ATRNL1: variants seen among roughly 807,000 people sequenced by gnomAD.
ATRNL1 encodes attractin-like protein 1.
In ATRNL1, 95 loss-of-function variants were observed where a neutral mutation model predicts 182.7. That is an observed-to-expected ratio of 0.52 (90% CI 0.44 to 0.62). ATRNL1 has a LOEUF of 0.62. Among genes scored for constraint, ATRNL1 ranks in the 20% least tolerant of loss-of-function variants. The pLI is 0.00. For missense variants in ATRNL1, 1,471 were observed against 1,679.5 expected, an observed-to-expected ratio of 0.88 and a Z score of 2.17; for synonymous variants, 576 against 568.3, an observed-to-expected ratio of 1.01 and a Z score of -0.19.
intron 5 of ATRNL1, among the ~76,000 whole-genome samples, chr10:115,151,768 T>A (rs1301440066): frequency 3.3e-5 from 5 of 152,212 alleles, no homozygotes; most frequent in Non-Finnish European, 7.3e-5. Context: ...TTTTGGTGTT[T>A]TAGACATGAA....
intron 19 of ATRNL1, among the ~76,000 whole-genome samples, chr10:115,340,914 CT>C (rs1225096869): frequency 6.6e-6 from 1 of 151,670 alleles, no homozygotes; most frequent in Non-Finnish European, 1.5e-5. Flanking sequence ...TGTGTCTTCT[CT>C]GTTTTTTCTT....
At chr10:115,793,159 G>A (rs984608016) in intron 27 of ATRNL1, among the ~76,000 whole-genome samples, 2 of 152,122 alleles carry the variant, frequency 1.3e-5, no homozygotes, top group East Asian at 3.9e-4. Context: ...CTTGTTGCAA[G>A]ACTTCAATGA....
chr10:115,608,944 G>T (rs1857008824), intron 26 of ATRNL1, among the ~76,000 whole-genome samples: 1 of 151,686 alleles, frequency 6.6e-6, no homozygotes, highest in South Asian at 2.1e-4. Context: ...AGTTACTGGG[G>T]ATTATTTTTA....
At chr10:115,537,724 G>A (rs1286137680) in intron 25 of ATRNL1, among the ~76,000 whole-genome samples, 4 of 89,258 alleles carry the variant, frequency 4.5e-5, no homozygotes, top group African/African-American at 9.3e-5. Context: ...ACTTCTGTTG[G>A]AAGCATTTTA....
chr10:115,325,470 T>C (rs1470285966), intron 18 of ATRNL1, among the ~76,000 whole-genome samples: 7 of 152,186 alleles, frequency 4.6e-5, no homozygotes, highest in Admixed American at 4.6e-4. Flanking sequence ...TCCTTTGCCA[T>C]TGCTACCATA....
At chr10:115,785,072 C>T (rs1949362461) in intron 27 of ATRNL1, among the ~76,000 whole-genome samples, 1 of 152,212 alleles carries the variant, frequency 6.6e-6, no homozygotes, top group African/African-American at 2.4e-5. Context: ...CAAATCTCAT[C>T]ATCTAAACCA....
chr10:115,785,692 C>T (rs1215546263), intron 27 of ATRNL1, among the ~76,000 whole-genome samples: 2 of 152,242 alleles, frequency 1.3e-5, no homozygotes, highest in Non-Finnish European at 2.9e-5. Flanking sequence ...TCATCTTTTG[C>T]TATCCAAATA....
At chr10:115,561,251 G>T (rs1853687855) in intron 26 of ATRNL1, among the ~76,000 whole-genome samples, 1 of 152,120 alleles carries the variant, frequency 6.6e-6, no homozygotes, top group African/African-American at 2.4e-5. Context: ...TATCTGATAA[G>T]ATATTTGTAT....
chr10:115,330,689 T>TTTC (rs1483581411), intron 18 of ATRNL1, among the ~76,000 whole-genome samples: 4 of 150,776 alleles, frequency 2.7e-5, no homozygotes, highest in Non-Finnish European at 4.4e-5. Flanking sequence ...TTTTTTTTTT[T>TTTC]TTCTCATGCT....
chr10:115,384,807 T>C (rs1858239670), intron 19 of ATRNL1, among the ~76,000 whole-genome samples: 1 of 152,036 alleles, frequency 6.6e-6, no homozygotes, highest in Admixed American at 6.5e-5. Context: ...TAAAATTAAA[T>C]AGAACTTTCG....
At chr10:115,166,146 A>G (rs1363546872) in intron 7 of ATRNL1, among the ~76,000 whole-genome samples, 2 of 152,034 alleles carry the variant, frequency 1.3e-5, no homozygotes, top group Admixed American at 6.6e-5. Context: ...TGTAAATGGG[A>G]TTGTACATTA....
chr10:115,129,335 C>A lies in ATRNL1; in HGVS notation c.629C>A (p.Ser210Tyr). 3.7e-6 allele frequency: 6 copies of A among 1,611,120 alleles called. No individual in the cohort carries two copies. The highest frequency in any genetic ancestry group is 5.1e-6 in the Non-Finnish European group (6 of 1,177,608). ...TGFNIFYSINSCPNNCSGHGK... is the reference protein window; with the variant it reads ...TGFNIFYSINYCPNNCSGHGK... ...TGAATTATATTTTACAGAATCAATT[C>A]TTGTCCTAACAATTGCTCTGGTCAT... The change falls in exon 5 of 29, where the codon TCT becomes TAT. Residue 210 changes from serine (S) to tyrosine (Y), a missense_variant. By Grantham distance (144) the Ser-to-Tyr change is moderately radical. Coordinates refer to ENST00000355044, the MANE Select transcript of ATRNL1 (RefSeq NM_207303.4).
chr10:115,359,649 A>C (rs114327278), intron 19 of ATRNL1, among the ~76,000 whole-genome samples: 1,964 of 151,622 alleles, frequency 0.013, 38 homozygotes, highest in African/African-American at 0.044. Flanking sequence ...TTTATATATA[A>C]ATTTTTTCAT....
At chr10:115,582,222 T>C (rs797041021) in intron 26 of ATRNL1, among the ~76,000 whole-genome samples, 69,515 of 149,468 alleles carry the variant, frequency 0.47, 17,880 homozygotes, top group East Asian at 0.84. Flanking sequence ...CACGTGTCTT[T>C]ATAGCAGCAT....
chr10:115,904,217 G>T (rs1363956614), intron 28 of ATRNL1, among the ~76,000 whole-genome samples: 1 of 152,150 alleles, frequency 6.6e-6, no homozygotes, highest in African/African-American at 2.4e-5. Flanking sequence ...CTCCCACCAG[G>T]CTCAGCATTG....
intron 27 of ATRNL1, among the ~76,000 whole-genome samples, chr10:115,782,293 A>C (rs139121755): frequency 1.1e-4 from 17 of 152,332 alleles, no homozygotes; most frequent in African/African-American, 3.6e-4. Context: ...CAAGCTCCTT[A>C]GAAACTAACA....
intron 17 of ATRNL1, among the ~76,000 whole-genome samples, chr10:115,310,995 G>C (rs76874887): frequency 6.6e-6 from 1 of 152,024 alleles, no homozygotes; most frequent in East Asian, 1.9e-4. Context: ...TCAAGGTTTA[G>C]ATAACTTATG....
chr10:115,876,228 G>A (rs1951696649), intron 28 of ATRNL1, among the ~76,000 whole-genome samples: 1 of 151,766 alleles, frequency 6.6e-6, no homozygotes, highest in South Asian at 2.1e-4. Context: ...TTTTATCCTG[G>A]GAAGACACTT....
At chr10:115,135,028 A>C (rs1424751491) in intron 5 of ATRNL1, among the ~76,000 whole-genome samples, 4 of 152,154 alleles carry the variant, frequency 2.6e-5, no homozygotes, top group African/African-American at 9.7e-5. Context: ...TATTGATGGG[A>C]TGTATCTCAA....
Sources: allele counts gnomAD v4.1 joint callset (sites outside exome capture counted in the v4.1 genomes callset), GRCh38; gene constraint gnomAD v4.1.1; transcripts MANE v1.5; gene names NCBI Gene and HGNC (gene_info 2026-07-23, HGNC 2026-07-21).